Variants in LRCH3 observed in about 807,000 individuals in gnomAD.
The protein encoded by LRCH3 is leucine rich repeats and calponin homology domain containing 3.
Under a neutral mutation model 104.5 loss-of-function variants are expected in LRCH3, and 68 were observed. That is an observed-to-expected ratio of 0.65 (90% CI 0.54 to 0.80). The LOEUF is 0.80. Among genes scored for constraint, LRCH3 ranks in the 30% least tolerant of loss-of-function variants. LRCH3 has a pLI of 0.00. For missense variants in LRCH3, 951 were observed against 953.9 expected (o/e 1.00, Z 0.04); for synonymous variants, 344 against 361.3 (o/e 0.95, Z 0.54).
At chr3:197,818,534 A>G (rs540502139) in intron 3 of LRCH3, among the ~76,000 whole-genome samples, 57 of 152,362 alleles carry the variant, frequency 3.7e-4, no homozygotes, top group Non-Finnish European at 7.1e-4. Context: ...AGAATCCACA[A>G]ATATATTTAA....
At position 197,883,163 on chromosome 3, in the gene LRCH3, G is replaced by T; in HGVS notation, c.2209-378G>T. The stretch of plus-strand genomic sequence containing the variant: ...TTTTACTCTTGAGCCATCTGGTAGC[G>T]TGGAATTGTTTTTCTATTTTTCACC... On this transcript the variant is annotated intron_variant, in intron 20 of 20. Transcript: ENST00000425562. The surrounding 1 kb of genome is among the most constrained non-coding windows in gnomAD (Gnocchi z 4.2). 1 of 991,618 alleles carries T rather than the reference G, an allele frequency of 1.0e-6. No individual in the cohort carries two copies. The highest frequency in any genetic ancestry group is 1.7e-5 in the African/African-American group (1 of 57,480). 61.4% of individuals were successfully genotyped at this position (991,618 alleles called of 1,614,324 possible).
In LRCH3 at chr3:197,810,397, C is replaced by T. The variant is rs1218436418; in HGVS notation, c.263-4511C>T. 4.6e-5 allele frequency among the ~76,000 whole-genome samples: 7 copies of T among 152,148 alleles called. No individual in the cohort carries two copies. The highest frequency in any genetic ancestry group is 1.7e-4 in the African/African-American group (7 of 41,428). On this transcript the variant is annotated intron_variant, in intron 1 of 20. Coordinates refer to ENST00000425562, the MANE Select transcript of LRCH3 (RefSeq NM_001365715.1). This position sits in a 1 kb window ranked among gnomAD's most constrained non-coding sequence, Gnocchi z 4.0. ...CGAACTGCTGACCTTAGGTGATTCA[C>T]CAGCCTCTGCCTCTGGAAGTGCTGG... is the stretch of plus-strand genomic sequence containing the variant.
In LRCH3 at chr3:197,835,870, A is replaced by G. The variant is rs1033424370; in HGVS notation, c.1251+48A>G. ...AATATGTTGCTATCCCTTCATAAAA[A>G]TAATTCATAATAGTATAAAGTTTTG... On this transcript the variant is annotated intron_variant, in intron 9 of 20. Coordinates refer to ENST00000425562, the MANE Select transcript of LRCH3 (RefSeq NM_001365715.1). 1.9e-6 allele frequency: 3 copies of G among 1,585,292 alleles called. No homozygotes were observed. The African/African-American group carries it at 4.0e-5, about 21-fold the overall frequency.
intron 1 of LRCH3, among the ~76,000 whole-genome samples, chr3:197,802,202 A>G (rs1050411905): frequency 6.6e-6 from 1 of 152,236 alleles, no homozygotes; most frequent in Non-Finnish European, 1.5e-5. Context: ...TTACATCAGC[A>G]AAATCCCCTC....
chr3:197,875,120 G>A (rs1315890552), intron 19 of LRCH3, among the ~76,000 whole-genome samples: 2 of 151,968 alleles, frequency 1.3e-5, no homozygotes, highest in African/African-American at 2.4e-5. Context: ...TAGTAGAGAC[G>A]GGGTTTCTCC....
Position 197,835,664 on chromosome 3 carries a change from G to T in LRCH3, c.1103-10G>T, listed in dbSNP as rs758448702. The T allele has an allele frequency of 2.0e-4, 324 of 1,609,328 alleles. No individual in the cohort carries two copies. The highest frequency in any genetic ancestry group is 2.7e-4 in the Non-Finnish European group (314 of 1,177,516). The stretch of plus-strand genomic sequence containing the variant: ...GTGTGTGTGTGTGGGTGTGTGTGTG[G>T]TGTATACAGTGGAACATGATCTGGA... On this transcript the variant is annotated splice_polypyrimidine_tract_variant and intron_variant, in intron 8 of 20. Transcript: ENST00000425562.
At chr3:197,845,847 G>C (rs113527999) in intron 10 of LRCH3, among the ~76,000 whole-genome samples, 8 of 152,350 alleles carry the variant, frequency 5.3e-5, no homozygotes, top group African/African-American at 1.9e-4. Flanking sequence ...GGAGGTTGTG[G>C]TGAGCGAGAT....
chr3:197,847,198 G>GTGAT (rs924127264), intron 10 of LRCH3, among the ~76,000 whole-genome samples: 2 of 152,338 alleles, frequency 1.3e-5, no homozygotes, highest in African/African-American at 4.8e-5. Flanking sequence ...CACATGAAAC[G>GTGAT]TGAGTTGGAG....
chr3:197,845,304 G>A (rs1409100179), intron 10 of LRCH3, among the ~76,000 whole-genome samples: 1 of 151,608 alleles, frequency 6.6e-6, no homozygotes, highest in East Asian at 1.9e-4. Flanking sequence ...CCAGCTGCTT[G>A]GGAAGCTGAG....
At chr3:197,866,859 G>T (rs1017405457) in intron 17 of LRCH3, among the ~76,000 whole-genome samples, 3 of 151,720 alleles carry the variant, frequency 2.0e-5, no homozygotes, top group Admixed American at 1.3e-4. Context: ...CAAAAATAAG[G>T]TCAGGCGTGG....
chr3:197,805,113 C>T (rs746924983), intron 1 of LRCH3, among the ~76,000 whole-genome samples: 13 of 152,008 alleles, frequency 8.6e-5, no homozygotes, highest in Non-Finnish European at 1.5e-4. Flanking sequence ...AGGCTGGTCT[C>T]GAACTCCCGA....
chr3:197,805,938 T>G (rs1168355291), intron 1 of LRCH3, among the ~76,000 whole-genome samples: 3 of 152,094 alleles, frequency 2.0e-5, no homozygotes, highest in African/African-American at 7.2e-5. Context: ...TTGTTTCTGT[T>G]TTTTTGAGAC....
intron 14 of LRCH3, among the ~76,000 whole-genome samples, chr3:197,857,580 A>G (rs1041795198): frequency 1.3e-5 from 2 of 152,234 alleles, no homozygotes; most frequent in African/African-American, 2.4e-5. Context: ...CTACCCCTCA[A>G]ACTCCTGTTG....
At chr3:197,839,845 A>T (rs768898091) in intron 10 of LRCH3, among the ~76,000 whole-genome samples, 38 of 151,822 alleles carry the variant, frequency 2.5e-4, no homozygotes, top group Non-Finnish European at 3.5e-4. Context: ...ATGGTGGTGC[A>T]TGCCTGTGGT....
chr3:197,847,560 G>A, intron 11 of LRCH3, 100 bp downstream of exon 11: 1 of 976,460 alleles, frequency 1.0e-6, no homozygotes, highest in Non-Finnish European at 1.5e-6. Flanking sequence ...GTATATTTAA[G>A]CATTACTAGC....
chr3:197,799,087 T>C (rs1302852938), intron 1 of LRCH3, among the ~76,000 whole-genome samples: 3 of 152,144 alleles, frequency 2.0e-5, no homozygotes, highest in East Asian at 1.9e-4. Flanking sequence ...AGATGAACCA[T>C]AGAGGACCAC....
At chr3:197,858,410 A>T (rs1344228253) in intron 14 of LRCH3, among the ~76,000 whole-genome samples, 2 of 152,040 alleles carry the variant, frequency 1.3e-5, no homozygotes, top group Non-Finnish European at 2.9e-5. Context: ...TCATGTCCTA[A>T]TTATAATATA....
At chr3:197,876,863 C>T (rs1023044697) in intron 20 of LRCH3, among the ~76,000 whole-genome samples, 459 of 133,540 alleles carry the variant, frequency 3.4e-3, no homozygotes, top group African/African-American at 0.012. Flanking sequence ...CTTTACCCAA[C>T]TCACCGCACC....
rs1490306465 is a variant in LRCH3, at chr3:197,880,679, C to G, written c.2209-2862C>G. 7.2e-6 allele frequency: 11 copies of G among 1,536,810 alleles called. No homozygotes were observed. The East Asian group carries it at 2.4e-4, about 34-fold the overall frequency. On this transcript the variant is annotated intron_variant, in intron 20 of 20. Transcript: ENST00000425562. ...TTTACTGTACTGTGATGTTAACTCT[C>G]TGTGTGCTTTATTACTGGCTCTTCC...
Sources: allele counts gnomAD v4.1 joint callset (sites outside exome capture counted in the v4.1 genomes callset), GRCh38; gene constraint gnomAD v4.1.1; non-coding constraint Gnocchi (gnomAD v3.1); transcripts MANE v1.5; gene names NCBI Gene and HGNC (gene_info 2026-07-23, HGNC 2026-07-21).